Variants in ICA1 observed in about 807,000 individuals in gnomAD.
The protein encoded by ICA1 is islet cell autoantigen 1, also known as 69 kDa islet cell autoantigen.
A neutral mutation model predicts 71.0 loss-of-function variants in ICA1; 40 were observed. The ratio of observed to expected loss-of-function variants is 0.56; its 90% confidence interval spans 0.44 to 0.73. The LOEUF (loss-of-function observed/expected upper bound fraction) is 0.73. ICA1 is among the 30% of genes least tolerant of loss of function. The pLI is 0.00. For synonymous variants in ICA1, 207 were observed against 209.5 expected (o/e 0.99, Z 0.10); for missense variants, 578 against 576.5 (o/e 1.00, Z -0.03).
At chr7:8,163,606 G>A (rs1038735604) in intron 6 of ICA1, among the ~76,000 whole-genome samples, 1 of 152,192 alleles carries the variant, frequency 6.6e-6, no homozygotes, top group African/African-American at 2.4e-5. Context: ...ATTGACCAAG[G>A]AATCTGACCC....
rs970700102 is a variant in ICA1 at position 8,123,235 on chromosome 7, A to C, written c.1330+4638T>G. Reference sequence around the variant, plus strand: ...TTAGAGCTTAAAGTAGGGGGAAAAGAGGATATCATTGTTCTCCAAATCCCC... The same window carrying C: ...TTAGAGCTTAAAGTAGGGGGAAAAGCGGATATCATTGTTCTCCAAATCCCC... On this transcript the variant is annotated intron_variant, in intron 13 of 13. Coordinates refer to ENST00000402384, the MANE Select transcript of ICA1 (RefSeq NM_001136020.3). This position sits in a 1 kb window ranked among gnomAD's most constrained non-coding sequence, Gnocchi z 4.1. Among the ~76,000 whole-genome samples, 2 of 152,228 alleles carry C rather than the reference A, an allele frequency of 1.3e-5. No homozygotes were observed. The highest frequency in any genetic ancestry group is 3.8e-4 in the East Asian group (2 of 5,196).
intron 6 of ICA1, among the ~76,000 whole-genome samples, chr7:8,216,054 C>T (rs1330357673): frequency 6.6e-6 from 1 of 152,224 alleles, no homozygotes; most frequent in Non-Finnish European, 1.5e-5. Flanking sequence ...GGCAGCAAGC[C>T]TCACATTAAT....
chr7:8,224,495 C>T (rs141268368), intron 4 of ICA1, among the ~76,000 whole-genome samples: 2,089 of 152,248 alleles, frequency 0.014, 14 homozygotes, highest in Middle Eastern at 0.024. Context: ...GATAGACTTA[C>T]AGAAAAATTA....
Position 8,132,576 on chromosome 7 carries a change from G to A in ICA1, c.1061-4434C>T, listed in dbSNP as rs1791877372. 1.3e-5 allele frequency among the ~76,000 whole-genome samples: 2 copies of A among 152,150 alleles called. No homozygotes were observed. Among genetic ancestry groups the A allele is most frequent in the Non-Finnish European group, 2.9e-5 (2 of 68,032 alleles). ...CTTTTCCCAGGCCTTTACCTGTACAGCATCATTTGTACCACTGCCCAGCCT... is the reference window on the plus strand; with the variant it reads ...CTTTTCCCAGGCCTTTACCTGTACAACATCATTTGTACCACTGCCCAGCCT... On this transcript the variant is annotated intron_variant, in intron 12 of 13. Transcript: ENST00000402384. The surrounding 1 kb of genome is among the most constrained non-coding windows in gnomAD (Gnocchi z 4.5).
At chr7:8,255,166 A>G (rs3807809) in intron 1 of ICA1, among the ~76,000 whole-genome samples, 72,835 of 151,990 alleles carry the variant, frequency 0.48, 20,152 homozygotes, top group African/African-American at 0.77. Flanking sequence ...GGCTTCTACC[A>G]TCAGGCCTCA....
intron 1 of ICA1, among the ~76,000 whole-genome samples, chr7:8,241,055 TTACAGAG>T (rs1266378270): frequency 6.6e-6 from 1 of 151,928 alleles, no homozygotes; most frequent in Non-Finnish European, 1.5e-5. Context: ...AATTCAGGAA[TTACAGAG>T]AACACCACAG....
At chr7:8,232,841 T>A in intron 2 of ICA1, 86 bp from the exon 3 acceptor site, 1 of 1,172,538 alleles carries the variant, frequency 8.5e-7, no homozygotes, top group South Asian at 2.0e-5. Flanking sequence ...TAAACATGAC[T>A]TTCCATTATG....
chr7:8,229,587 G>T (rs973730941), intron 3 of ICA1, among the ~76,000 whole-genome samples: 10 of 152,116 alleles, frequency 6.6e-5, no homozygotes, highest in African/African-American at 1.7e-4. Flanking sequence ...TGGCTATGGT[G>T]GTGCAGAAAT....
At chr7:8,134,156 C>A (rs1014424224) in intron 12 of ICA1, among the ~76,000 whole-genome samples, 3 of 152,132 alleles carry the variant, frequency 2.0e-5, no homozygotes, top group African/African-American at 7.2e-5. Context: ...GGCACCGTGG[C>A]AGAAAGGCTG....
At chr7:8,127,325 A>AT (rs1789628348) in intron 13 of ICA1, among the ~76,000 whole-genome samples, 1 of 151,700 alleles carries the variant, frequency 6.6e-6, no homozygotes. Context: ...TGGAAACTCT[A>AT]TTTTTTCTGT....
At chr7:8,171,123 T>C (rs1181313176) in intron 6 of ICA1, among the ~76,000 whole-genome samples, 1 of 151,932 alleles carries the variant, frequency 6.6e-6, no homozygotes, top group Non-Finnish European at 1.5e-5. Flanking sequence ...AATATCTTTT[T>C]CTGGTTTTGC....
At chr7:8,207,590 T>C (rs989810506) in intron 6 of ICA1, among the ~76,000 whole-genome samples, 1 of 152,190 alleles carries the variant, frequency 6.6e-6, no homozygotes. Context: ...TTTCTTTTTA[T>C]CAATAACTCA....
intron 5 of ICA1, among the ~76,000 whole-genome samples, chr7:8,220,883 A>G (rs981392823): frequency 5.9e-5 from 9 of 152,036 alleles, no homozygotes; most frequent in African/African-American, 2.2e-4. Flanking sequence ...TGGTCCACAG[A>G]GAGCAGAGAG....
chr7:8,163,748 A>G (rs1006391532), intron 6 of ICA1, among the ~76,000 whole-genome samples: 4 of 152,196 alleles, frequency 2.6e-5, no homozygotes, highest in Non-Finnish European at 5.9e-5. Flanking sequence ...AGGACAATAA[A>G]GCAGGTCCTA....
In ICA1 at chr7:8,218,486, G is replaced by GGATTT; in HGVS notation, c.393_397dup (p.Pro133GlnfsTer24). Reference sequence around the variant, plus strand: ...CACTTCTTGGTGAAATCGACACAAAGGATTTCGTAAGGCCAACCTAGACAA... The same window carrying GGATTT: ...CACTTCTTGGTGAAATCGACACAAAGGATTTGATTTCGTAAGGCCAACCTAGACAA... On this transcript the variant is annotated frameshift_variant, in exon 6 of 14. Transcript: ENST00000402384. LOFTEE classifies it high-confidence loss of function. The GGATTT allele has an allele frequency of 6.2e-7, 1 of 1,614,032 alleles. No individual in the cohort carries two copies. Among genetic ancestry groups the GGATTT allele is most frequent in the Non-Finnish European group, 8.5e-7 (1 of 1,179,968 alleles).
intron 13 of ICA1, among the ~76,000 whole-genome samples, chr7:8,118,941 C>G (rs74810334): frequency 6.6e-6 from 1 of 152,186 alleles, no homozygotes. Context: ...AGAATCCCTG[C>G]AGGTAGAGCC....
At chr7:8,243,680 C>G (rs1804827237) in intron 1 of ICA1, among the ~76,000 whole-genome samples, 2 of 152,342 alleles carry the variant, frequency 1.3e-5, no homozygotes, top group South Asian at 2.1e-4. Flanking sequence ...ATTGTCTCAG[C>G]CCCAAATCTC....
At position 8,113,683 on chromosome 7, in the gene ICA1, G is replaced by A. The variant is rs1783849856; in HGVS notation, c.*240C>T. 1 of 379,692 alleles carries A rather than the reference G, an allele frequency of 2.6e-6. No homozygotes were observed. Among genetic ancestry groups the A allele is most frequent in the East Asian group, 5.0e-5 (1 of 20,042 alleles). 23.5% of individuals were successfully genotyped at this position (379,692 alleles called of 1,614,324 possible). ...GATGGGATGTAGGCAGGAGAGCGGT[G>A]GCCTGGAAACCGCTTCTAGACAATC... On this transcript the variant is annotated 3_prime_UTR_variant, in exon 14 of 14. Transcript: ENST00000402384. This position sits in a 1 kb window ranked among gnomAD's most constrained non-coding sequence, Gnocchi z 4.2.
intron 6 of ICA1, among the ~76,000 whole-genome samples, chr7:8,205,024 G>A (rs1791006231): frequency 6.9e-6 from 1 of 144,926 alleles, no homozygotes; most frequent in South Asian, 2.4e-4. Context: ...ACCATTGTCT[G>A]GTTTCACATC....
Sources: gnomAD v4.1 joint callset for allele counts (sites outside exome capture counted in the v4.1 genomes callset) on GRCh38, gnomAD v4.1.1 for gene constraint, Gnocchi (gnomAD v3.1) non-coding constraint, MANE v1.5 for transcripts, NCBI Gene and HGNC (gene_info 2026-07-23, HGNC 2026-07-21) for gene names.